The following STK3 variants were observed in gnomAD, a reference collection of about 807,000 sequenced individuals.
STK3 encodes the protein serine/threonine kinase 3, also known as serine/threonine-protein kinase 3.
In STK3, 41 loss-of-function variants were observed where a neutral mutation model predicts 58.0. The observed-to-expected ratio is 0.71, with a 90% CI of 0.55 to 0.92. The LOEUF is 0.92. Among genes scored for constraint, STK3 ranks in the 40% least tolerant of loss-of-function variants. STK3 has a pLI of 0.00. For missense variants in STK3, 479 were observed against 602.7 expected, an observed-to-expected ratio of 0.79 and a Z score of 2.15; for synonymous variants, 170 against 191.0, an observed-to-expected ratio of 0.89 and a Z score of 0.91.
At chr8:98,594,757 G>A (rs1815658049) in intron 7 of STK3, 1 of 151,924 alleles carries the variant, frequency 6.6e-6, no homozygotes, top group Non-Finnish European at 1.5e-5. Flanking sequence ...ATTACTTTTT[G>A]AAAGGTAGTA....
chr8:98,429,110 C>G (rs371574913), intron 3 of STK3: 18 of 1,613,348 alleles, frequency 1.1e-5, no homozygotes, highest in Non-Finnish European at 1.5e-5. Context: ...CAGTGGGGTA[C>G]GGGGATGTGG....
intron 10 of STK3, among the ~76,000 whole-genome samples, chr8:98,456,445 G>A (rs1050993621): frequency 4.3e-4 from 65 of 152,300 alleles, no homozygotes; most frequent in African/African-American, 1.5e-3. Flanking sequence ...ACTGAATAAA[G>A]GTTAAATTAA....
intron 3 of STK3, among the ~76,000 whole-genome samples, chr8:98,861,511 C>T (rs969184051): frequency 3.3e-5 from 5 of 151,762 alleles, no homozygotes; most frequent in African/African-American, 1.2e-4. Context: ...CCATGCCCGG[C>T]TAATTTTTTG....
chr8:98,878,596 A>G (rs1270482800), intron 3 of STK3, among the ~76,000 whole-genome samples: 1 of 152,080 alleles, frequency 6.6e-6, no homozygotes, highest in Non-Finnish European at 1.5e-5. Context: ...TAGCCTGTGC[A>G]GTCTAACCCT....
At chr8:98,782,514 C>T in intron 1 of STK3, 1 of 311,712 alleles carries the variant, frequency 3.2e-6, no homozygotes, top group South Asian at 3.5e-5. Flanking sequence ...GCTGACCAGG[C>T]AGAGGCCTGC....
the STK3 span, among the ~76,000 whole-genome samples, chr8:98,346,258 C>T: frequency 1.3e-5 from 2 of 148,610 alleles, no homozygotes; most frequent in African/African-American, 2.5e-5. Flanking sequence ...GCACTTCGGC[C>T]TGGGTGACAG....
At chr8:98,387,107 G>A (rs10955172) in intron 1 of STK3, among the ~76,000 whole-genome samples, 6,628 of 152,212 alleles carry the variant, frequency 0.044, 444 homozygotes, top group East Asian at 0.16. Context: ...ATAGGGAATA[G>A]TTATTTCAAG....
chr8:98,725,225 T>C (rs1171581862), intron 4 of STK3, among the ~76,000 whole-genome samples: 1 of 152,106 alleles, frequency 6.6e-6, no homozygotes, highest in Non-Finnish European at 1.5e-5. Flanking sequence ...AACGGTAAGG[T>C]ATAAAACATC....
At chr8:98,372,655 T>G (rs1817623533) in intron 2 of STK3, among the ~76,000 whole-genome samples, 1 of 152,080 alleles carries the variant, frequency 6.6e-6, no homozygotes, top group African/African-American at 2.4e-5. Flanking sequence ...ATTTATCCAC[T>G]TCCACATTGT....
At chr8:98,912,233 G>C (rs1315759657) in intron 1 of STK3, among the ~76,000 whole-genome samples, 2 of 152,094 alleles carry the variant, frequency 1.3e-5, no homozygotes, top group African/African-American at 4.8e-5. Flanking sequence ...ACAAAAATTA[G>C]CCCGATGTGG....
intron 10 of STK3, among the ~76,000 whole-genome samples, chr8:98,460,799 C>T (rs1226398173): frequency 1.3e-5 from 2 of 152,212 alleles, no homozygotes; most frequent in Middle Eastern, 3.2e-3. Flanking sequence ...TCCAAGCTTG[C>T]TTCACCTTCA....
intron 4 of STK3, among the ~76,000 whole-genome samples, chr8:98,720,231 T>TTTTTA (rs1827298357): frequency 6.6e-6 from 1 of 152,218 alleles, no homozygotes; most frequent in Non-Finnish European, 1.5e-5. Context: ...TTATTTACAG[T>TTTTTA]TTATAAAAAG....
chr8:98,825,729 C>T (rs1020432018), upstream of STK3: 1 of 955,608 alleles, frequency 1.0e-6, no homozygotes, highest in Admixed American at 6.6e-5. Context: ...CCCCGCCCCG[C>T]CCCCGGCCGC....
At chr8:98,656,340 T>G (rs1587189896) in intron 6 of STK3, among the ~76,000 whole-genome samples, 1 of 146,092 alleles carries the variant, frequency 6.8e-6, no homozygotes, top group Non-Finnish European at 1.5e-5. Flanking sequence ...TGTTGTGGGG[T>G]GGGAGGTGGG....
intron 1 of STK3, among the ~76,000 whole-genome samples, chr8:98,808,760 T>C (rs1834036886): frequency 1.3e-5 from 2 of 152,212 alleles, no homozygotes; most frequent in Non-Finnish European, 1.5e-5. Flanking sequence ...GAATTATCTT[T>C]TGCTATTCAT....
At chr8:98,533,346 GT>G (rs1027550185) in intron 9 of STK3, among the ~76,000 whole-genome samples, 107 of 152,184 alleles carry the variant, frequency 7.0e-4, no homozygotes, top group African/African-American at 2.4e-3. Flanking sequence ...TGTTTTGATG[GT>G]TGAGCCTAAT....
intron 4 of STK3, among the ~76,000 whole-genome samples, chr8:98,744,236 T>C (rs1195264773): frequency 6.6e-6 from 1 of 152,170 alleles, no homozygotes; most frequent in East Asian, 1.9e-4. Flanking sequence ...ACTGGGTATA[T>C]ACCCAAAGGA....
At chr8:98,499,610 C>T (rs1823413860) in intron 10 of STK3, among the ~76,000 whole-genome samples, 2 of 152,120 alleles carry the variant, frequency 1.3e-5, no homozygotes, top group South Asian at 2.1e-4. Context: ...CCTAATTCAT[C>T]TTGGAGAACA....
chr8:98,637,707 A>G (rs1320084141), intron 6 of STK3, among the ~76,000 whole-genome samples: 1 of 152,192 alleles, frequency 6.6e-6, no homozygotes, highest in Non-Finnish European at 1.5e-5. Flanking sequence ...AAAAAGTATA[A>G]TAATCCTTTT....
Sources: gnomAD v4.1 joint callset for allele counts (sites outside exome capture counted in the v4.1 genomes callset) on GRCh38, gnomAD v4.1.1 for gene constraint, MANE v1.5 for transcripts, NCBI Gene and HGNC (gene_info 2026-07-23, HGNC 2026-07-21) for gene names.